CDH11: variants seen among roughly 807,000 people sequenced by gnomAD.
CDH11 encodes cadherin-11.
CDH11 carries 11 observed loss-of-function variants against 67.8 expected under a neutral mutation model. That is an observed-to-expected ratio of 0.16 (90% CI 0.10 to 0.27). The LOEUF is 0.27. CDH11 is among the 10% of genes least tolerant of loss of function. The probability of loss-of-function intolerance (pLI) is 1.00; values close to 1 mark genes in which losing one functional copy is unlikely to be tolerated. For synonymous variants in CDH11, 419 were observed against 400.0 expected (o/e 1.05, Z -0.57); for missense variants, 847 against 1,031.2 (o/e 0.82, Z 2.45).
chr16:65,025,621 A>T (rs1457050111), intron 2 of CDH11, among the ~76,000 whole-genome samples: 2 of 152,178 alleles, frequency 1.3e-5, no homozygotes, highest in African/African-American at 4.8e-5. Context: ...GATGATAGGC[A>T]TGAGCTACCA....
chr16:65,006,494 C>T (rs543247489), intron 2 of CDH11, among the ~76,000 whole-genome samples: 35 of 152,246 alleles, frequency 2.3e-4, no homozygotes, highest in Admixed American at 8.5e-4. Flanking sequence ...ATCTGGGTTA[C>T]TCTGGGCATG....
At chr16:65,070,048 T>A (rs1318577663) in intron 1 of CDH11, among the ~76,000 whole-genome samples, 4 of 152,188 alleles carry the variant, frequency 2.6e-5, no homozygotes, top group African/African-American at 4.8e-5. Flanking sequence ...CCCATCAGCC[T>A]GTAGATCAGA....
chr16:64,992,427 T>C (rs921142570), intron 5 of CDH11, among the ~76,000 whole-genome samples: 3 of 152,224 alleles, frequency 2.0e-5, no homozygotes, highest in African/African-American at 7.2e-5. Flanking sequence ...TTAAAATATA[T>C]ACAATGCTCA....
chr16:64,945,426 C>T lies in CDH11; in HGVS notation c.*2177G>A. 9.7e-7 allele frequency: 1 copy of T among 1,033,416 alleles called. No individual in the cohort carries two copies. The highest frequency in any genetic ancestry group is 1.2e-6 in the Non-Finnish European group (1 of 858,022). 64.0% of individuals were successfully genotyped at this position (1,033,416 alleles called of 1,614,324 possible). A position where few individuals can be genotyped will look rare whatever the true frequency, so the allele number is the denominator to read the frequency against. On this transcript the variant is annotated 3_prime_UTR_variant, in exon 13 of 13. Transcript: ENST00000268603. ...GTAGTTGTCATCTCTAATCCAAATA[C>T]ATTCCTAGAGAAAAGGATCATCCAT...
intron 2 of CDH11, among the ~76,000 whole-genome samples, chr16:65,010,853 T>A (rs1443618917): frequency 6.6e-6 from 1 of 151,796 alleles, no homozygotes; most frequent in Non-Finnish European, 1.5e-5. Flanking sequence ...ATACTATCCT[T>A]GGTCAGGTGC....
At chr16:65,051,038 T>C (rs1228910411) in intron 2 of CDH11, among the ~76,000 whole-genome samples, 2 of 152,192 alleles carry the variant, frequency 1.3e-5, no homozygotes, top group Non-Finnish European at 2.9e-5. Context: ...AGGGATGCAC[T>C]TCCTCTGCTG....
At chr16:65,089,803 G>A (rs764124751) in intron 1 of CDH11, among the ~76,000 whole-genome samples, 1 of 152,108 alleles carries the variant, frequency 6.6e-6, no homozygotes, top group Non-Finnish European at 1.5e-5. Flanking sequence ...TGCTAAATAC[G>A]AGTTATTTTA....
At chr16:64,972,103 G>A (rs1193742726) in intron 9 of CDH11, 39 bp from the exon 10 acceptor site, 1 of 1,599,058 alleles carries the variant, frequency 6.3e-7, no homozygotes, top group South Asian at 1.1e-5. Flanking sequence ...AAAGGTCAAG[G>A]AGAAATACAC....
intron 1 of CDH11, among the ~76,000 whole-genome samples, chr16:65,066,337 G>C (rs2074312821): frequency 6.6e-6 from 1 of 152,202 alleles, no homozygotes; most frequent in East Asian, 1.9e-4. Context: ...GCCAACCACT[G>C]TGATTGGTGG....
chr16:64,997,905 G>A (rs2072814564), intron 4 of CDH11, among the ~76,000 whole-genome samples: 1 of 152,102 alleles, frequency 6.6e-6, no homozygotes. Flanking sequence ...CTGTTTGAAA[G>A]ACAAACCTTT....
upstream of CDH11, chr16:65,122,360 G>T (rs1210838271): frequency 1.3e-5 from 3 of 233,864 alleles, no homozygotes; most frequent in African/African-American, 4.7e-5. Flanking sequence ...GGCTCAGATG[G>T]AGTCTGGAGC....
At chr16:64,993,624 G>A (rs1360396473) in intron 4 of CDH11, among the ~76,000 whole-genome samples, 1 of 152,124 alleles carries the variant, frequency 6.6e-6, no homozygotes. Context: ...AGCTGGTCTG[G>A]TAGCCATATA....
chr16:65,008,040 T>A (rs1210926914), intron 2 of CDH11, among the ~76,000 whole-genome samples: 1 of 152,260 alleles, frequency 6.6e-6, no homozygotes, highest in South Asian at 2.1e-4. Flanking sequence ...CACAGAGTGA[T>A]AAATTATTCT....
chr16:64,984,325 T>C (rs923594192), intron 7 of CDH11, among the ~76,000 whole-genome samples: 2 of 152,222 alleles, frequency 1.3e-5, no homozygotes, highest in Admixed American at 6.5e-5. Context: ...CAAGAATGAC[T>C]GTACCAAGTG....
intron 12 of CDH11, 115 bp downstream of exon 12, chr16:64,950,652 T>G: frequency 1.8e-6 from 2 of 1,090,808 alleles, no homozygotes; most frequent in Non-Finnish European, 2.5e-6. Flanking sequence ...TCTTGAACTG[T>G]GTCGACAGTC....
At position 64,991,818 on chromosome 16, in the gene CDH11, A is replaced by G; in HGVS notation, c.761T>C (p.Val254Ala). 1 of 1,613,964 alleles carries G rather than the reference A, an allele frequency of 6.2e-7. No homozygotes were observed. Among genetic ancestry groups the G allele is most frequent in the Non-Finnish European group, 8.5e-7 (1 of 1,179,858 alleles). The change falls in exon 6 of 13, where the codon GTG (valine) becomes GCG (alanine). Residue 254 changes from valine to alanine, a missense_variant. Val to Ala is a moderately conservative substitution (Grantham distance 64, BLOSUM62 0). This residue lies in a region of CDH11 where 235 missense variants were observed against 352.5 expected (regional missense o/e 0.67). Coordinates refer to ENST00000268603, the MANE Select transcript of CDH11 (RefSeq NM_001797.4). ...ATTGACATCGGTCAGTGTGATCGTC[A>G]CTTTGGTTGTCCCTGAGAGTCCGCC... ...HMGGLSGTTK[V>A]TITLTDVNDN...
intron 1 of CDH11, among the ~76,000 whole-genome samples, chr16:65,107,952 T>C (rs1273635373): frequency 2.0e-5 from 3 of 152,130 alleles, no homozygotes; most frequent in Non-Finnish European, 4.4e-5. Context: ...CTGATCTGCC[T>C]AGAGGAAGGG....
At chr16:65,096,431 GTGTGTGTGTGTGTATA>G (rs2074894883) in intron 1 of CDH11, among the ~76,000 whole-genome samples, 1 of 144,482 alleles carries the variant, frequency 6.9e-6, no homozygotes, top group Non-Finnish European at 1.5e-5. Context: ...GTGTGTGTGT[GTGTGTGTGTGTGTATA>G]TATATGTTTA....
intron 11 of CDH11, among the ~76,000 whole-genome samples, chr16:64,954,430 G>T (rs1335547243): frequency 2.0e-5 from 3 of 152,108 alleles, no homozygotes; most frequent in Non-Finnish European, 4.4e-5. Flanking sequence ...TTAAAATTAG[G>T]AGACTGATTG....
Sources: allele counts gnomAD v4.1 joint callset (sites outside exome capture counted in the v4.1 genomes callset), GRCh38; gene constraint gnomAD v4.1.1; regional missense constraint gnomAD v4.1.1; transcripts MANE v1.5; gene names NCBI Gene and HGNC (gene_info 2026-07-23, HGNC 2026-07-21).